Variants in FBXL17 observed in about 807,000 individuals in gnomAD.
The protein encoded by FBXL17 is F-box and leucine rich repeat protein 17, also known as F-box/LRR-repeat protein 17.
A neutral mutation model predicts 66.2 loss-of-function variants in FBXL17; 22 were observed. The observed-to-expected ratio is 0.33, with a 90% confidence interval of 0.24 to 0.47. FBXL17 has a LOEUF of 0.47. Among genes scored for constraint, FBXL17 ranks in the 20% least tolerant of loss-of-function variants. The probability of loss-of-function intolerance (pLI) is 1.00; values close to 1 mark genes in which losing one functional copy is unlikely to be tolerated. For missense variants in FBXL17, 878 were observed against 948.2 expected, an observed-to-expected ratio of 0.93 and a Z score of 0.97; for synonymous variants, 474 against 400.5, an observed-to-expected ratio of 1.18 and a Z score of -2.19.
At chr5:108,239,862 C>T (rs1178985464) in intron 4 of FBXL17, among the ~76,000 whole-genome samples, 3 of 151,940 alleles carry the variant, frequency 2.0e-5, no homozygotes, top group African/African-American at 4.8e-5. Flanking sequence ...ATTTGAGTAC[C>T]AGCTCAGCCC....
chr5:108,217,890 C>A (rs970236823), intron 5 of FBXL17, among the ~76,000 whole-genome samples: 1 of 152,030 alleles, frequency 6.6e-6, no homozygotes, highest in Non-Finnish European at 1.5e-5. Flanking sequence ...CTGTGCCTGG[C>A]TTATTTTACT....
chr5:108,045,413 G>T (rs1747217090), intron 6 of FBXL17, among the ~76,000 whole-genome samples: 1 of 152,116 alleles, frequency 6.6e-6, no homozygotes, highest in Admixed American at 6.6e-5. Flanking sequence ...CTGCACTCCA[G>T]CCTGGGCGAT....
intron 7 of FBXL17, among the ~76,000 whole-genome samples, chr5:107,955,035 G>T (rs1751616749): frequency 6.6e-6 from 1 of 151,984 alleles, no homozygotes; most frequent in African/African-American, 2.4e-5. Context: ...ACTGTCTTAA[G>T]TTTTACCCAA....
intron 6 of FBXL17, among the ~76,000 whole-genome samples, chr5:108,185,823 A>T (rs936070842): frequency 1.3e-5 from 2 of 152,252 alleles, no homozygotes; most frequent in Admixed American, 6.5e-5. Flanking sequence ...ACTTACAAGC[A>T]TGGCAAAAAG....
rs1554060746 is a variant in FBXL17 at position 108,055,630 on chromosome 5, A to AAG, written c.1746-34631_1746-34630dup. 8.8e-4 allele frequency among the ~76,000 whole-genome samples: 131 copies of AAG among 149,172 alleles called. 3 individuals are homozygous for AAG. In the South Asian group the frequency reaches 9.1e-3, roughly 10 times the overall value. On this transcript the variant is annotated intron_variant, in intron 6 of 8. Transcript: ENST00000542267. Reference sequence around the variant, plus strand: ...TCTCAAAAAAAAAAAAAAAAAAAAAAAGAGAGAAAAAACCCTTCAAAATAA... The same window carrying AAG: ...TCTCAAAAAAAAAAAAAAAAAAAAAAAGAGAGAGAAAAAACCCTTCAAAATAA...
At chr5:108,329,597 T>C (rs1013463478) in intron 4 of FBXL17, among the ~76,000 whole-genome samples, 3 of 152,170 alleles carry the variant, frequency 2.0e-5, no homozygotes, top group Admixed American at 2.0e-4. Flanking sequence ...AGTACTACCA[T>C]AGCTCAATGA....
At chr5:108,163,030 T>C in intron 6 of FBXL17, among the ~76,000 whole-genome samples, 1 of 152,200 alleles carries the variant, frequency 6.6e-6, no homozygotes, top group Non-Finnish European at 1.5e-5. Flanking sequence ...ATCAAACTCT[T>C]ATATTACAAT....
chr5:108,288,919 T>A (rs1758005541), intron 4 of FBXL17, among the ~76,000 whole-genome samples: 1 of 152,066 alleles, frequency 6.6e-6, no homozygotes, highest in South Asian at 2.1e-4. Flanking sequence ...TAAAACTACA[T>A]GAAGCAATGC....
At chr5:107,933,885 C>G (rs1180206607) in intron 7 of FBXL17, among the ~76,000 whole-genome samples, 2 of 152,056 alleles carry the variant, frequency 1.3e-5, no homozygotes, top group African/African-American at 4.8e-5. Context: ...AGGATGTGAA[C>G]TCATATCCCC....
intron 6 of FBXL17, among the ~76,000 whole-genome samples, chr5:108,103,807 T>G (rs1210530961): frequency 6.6e-6 from 1 of 152,220 alleles, no homozygotes; most frequent in Non-Finnish European, 1.5e-5. Flanking sequence ...GTTTTTGTAT[T>G]GACTACATGT....
intron 7 of FBXL17, among the ~76,000 whole-genome samples, chr5:107,983,611 A>C (rs1457351706): frequency 2.0e-5 from 3 of 152,166 alleles, no homozygotes; most frequent in Non-Finnish European, 4.4e-5. Flanking sequence ...AACAGAGAGA[A>C]ATTTACCAGA....
At chr5:108,049,676 C>T (rs1271600544) in intron 6 of FBXL17, among the ~76,000 whole-genome samples, 1 of 152,146 alleles carries the variant, frequency 6.6e-6, no homozygotes, top group African/African-American at 2.4e-5. Flanking sequence ...GAAACTGCAT[C>T]AACTAGTGTG....
intron 6 of FBXL17, among the ~76,000 whole-genome samples, chr5:108,074,056 GTTTTGGGC>G (rs1748448407): frequency 6.6e-6 from 1 of 152,116 alleles, no homozygotes; most frequent in Non-Finnish European, 1.5e-5. Flanking sequence ...ACCATTACCT[GTTTTGGGC>G]TATGTTCTGA....
chr5:108,053,048 C>T (rs774235064), intron 6 of FBXL17, among the ~76,000 whole-genome samples: 2 of 152,128 alleles, frequency 1.3e-5, no homozygotes, highest in Admixed American at 6.5e-5. Context: ...AAAATTAACT[C>T]AAGATGGATT....
chr5:108,064,812 A>T (rs1409640278), intron 6 of FBXL17, among the ~76,000 whole-genome samples: 2 of 152,212 alleles, frequency 1.3e-5, no homozygotes, highest in African/African-American at 4.8e-5. Context: ...TAGGCTAAAC[A>T]GTTAGGACAG....
At chr5:108,035,048 T>A (rs772575017) in intron 6 of FBXL17, among the ~76,000 whole-genome samples, 1 of 152,168 alleles carries the variant, frequency 6.6e-6, no homozygotes, top group Non-Finnish European at 1.5e-5. Context: ...CAGAAAGCCA[T>A]GGAAAGTGAC....
At chr5:107,913,622 C>A (rs1038756231) in intron 7 of FBXL17, among the ~76,000 whole-genome samples, 5 of 151,976 alleles carry the variant, frequency 3.3e-5, no homozygotes, top group African/African-American at 1.2e-4. Flanking sequence ...CTCTTGACTG[C>A]ACTGCATCCT....
At chr5:108,147,469 T>A (rs1286195290) in intron 6 of FBXL17, among the ~76,000 whole-genome samples, 1 of 152,076 alleles carries the variant, frequency 6.6e-6, no homozygotes, top group Non-Finnish European at 1.5e-5. Context: ...GAGGATTGCT[T>A]GAGGTCAGGA....
intron 5 of FBXL17, among the ~76,000 whole-genome samples, chr5:108,201,172 T>C (rs543027386): frequency 1.6e-3 from 240 of 152,316 alleles, no homozygotes; most frequent in Middle Eastern, 3.4e-3. Flanking sequence ...GCTTTCAATA[T>C]CCAGGAGCCC....
Sources: gnomAD v4.1 joint callset for allele counts (sites outside exome capture counted in the v4.1 genomes callset) on GRCh38, gnomAD v4.1.1 for gene constraint, MANE v1.5 for transcripts, NCBI Gene and HGNC (gene_info 2026-07-23, HGNC 2026-07-21) for gene names.